The following PPM1D variants were observed in gnomAD, a reference collection of about 807,000 sequenced individuals.
PPM1D encodes protein phosphatase 1D.
PPM1D carries 52 observed loss-of-function variants against 58.3 expected under a neutral mutation model. The observed-to-expected ratio is 0.89, with a 90% CI of 0.71 to 1.12. The LOEUF (loss-of-function observed/expected upper bound fraction) is 1.12, where lower values mean the gene tolerates loss of function less well. Ranked by LOEUF, PPM1D falls within the 50% of genes most tolerant of loss-of-function variation. The pLI is 0.00. For synonymous variants in PPM1D, 278 were observed against 285.1 expected (o/e 0.98, Z 0.25); for missense variants, 564 against 777.2 (o/e 0.73, Z 3.26).
chr17:60,620,134 G>A (rs567978915), intron 1 of PPM1D, among the ~76,000 whole-genome samples: 92 of 152,062 alleles, frequency 6.1e-4, no homozygotes, highest in Non-Finnish European at 9.4e-4. Context: ...CAGTGGCTAG[G>A]ATTACAGGCG....
In PPM1D at chr17:60,639,141, GT is replaced by G. The variant is rs539237706; in HGVS notation, c.826+5171del. On this transcript the variant is annotated intron_variant, in intron 3 of 5. Transcript: ENST00000305921. ...AAAAATTATTTTTTTTTGAGACTGAGTTTTTTTCTTGTCATCCAGGCTGGAG... is the reference window on the plus strand; with the variant it reads ...AAAAATTATTTTTTTTTGAGACTGAGTTTTTTCTTGTCATCCAGGCTGGAG... 6.6e-5 allele frequency among the ~76,000 whole-genome samples: 10 copies of G among 152,132 alleles called. No homozygotes were observed. The South Asian group carries it at 2.1e-3, about 32-fold the overall frequency.
Position 60,663,658 on chromosome 17 carries a change from A to G in PPM1D, c.*106A>G, listed in dbSNP as rs2031572736. 1.6e-6 allele frequency: 2 copies of G among 1,222,022 alleles called. No individual in the cohort carries two copies. Among genetic ancestry groups the G allele is most frequent in the Non-Finnish European group, 2.2e-6 (2 of 897,284 alleles). The allele number at this position is 1,222,022 out of a possible 1,614,324, so 75.7% of individuals were successfully genotyped here. ...TTAAGGGGAGAAAATTAAAAGAAAT[A>G]TACAGTTTGACTTTTTGGAATTCAG... On this transcript the variant is annotated 3_prime_UTR_variant, in exon 6 of 6. Transcript: ENST00000305921.
At chr17:60,645,490 GTGTA>G (rs1289243038) in intron 3 of PPM1D, among the ~76,000 whole-genome samples, 4 of 141,984 alleles carry the variant, frequency 2.8e-5, no homozygotes, top group Admixed American at 2.1e-4. Flanking sequence ...GTGTGTGTGT[GTGTA>G]TGTGTATATA....
rs1353843187 is a variant in PPM1D, at chr17:60,664,517, A to T, written c.*965A>T. 6.6e-6 allele frequency: 1 copy of T among 152,568 alleles called. No individual in the cohort carries two copies. Among genetic ancestry groups the T allele is most frequent in the Non-Finnish European group, 1.5e-5 (1 of 68,026 alleles). 9.5% of individuals were successfully genotyped at this position (152,568 alleles called of 1,614,324 possible). ...GTAGTTGTTGGTTTATTTTAATGGTATGTACAAGTTGAGTATCCCTTATCC... is the reference window on the plus strand; with the variant it reads ...GTAGTTGTTGGTTTATTTTAATGGTTTGTACAAGTTGAGTATCCCTTATCC... On this transcript the variant is annotated 3_prime_UTR_variant, in exon 6 of 6. Coordinates refer to ENST00000305921, the MANE Select transcript of PPM1D (RefSeq NM_003620.4).
At chr17:60,617,058 C>T (rs2030598708) in intron 1 of PPM1D, among the ~76,000 whole-genome samples, 1 of 152,134 alleles carries the variant, frequency 6.6e-6, no homozygotes, top group African/African-American at 2.4e-5. Flanking sequence ...AGTGATCCTC[C>T]TGCCTCCTCC....
intron 1 of PPM1D, among the ~76,000 whole-genome samples, chr17:60,606,300 G>A (rs950721057): frequency 6.6e-6 from 1 of 152,156 alleles, no homozygotes; most frequent in Non-Finnish European, 1.5e-5. Context: ...TTCTGTTGAT[G>A]GACATTTGGG....
chr17:60,656,555 C>A (rs768921515), intron 4 of PPM1D, 44 bp from the exon 5 acceptor site: 1 of 1,596,842 alleles, frequency 6.3e-7, no homozygotes, highest in South Asian at 1.1e-5. Context: ...GTAGTGGCAG[C>A]TAAATCTGAG....
At chr17:60,602,749 G>A (rs1384532112) in intron 1 of PPM1D, among the ~76,000 whole-genome samples, 3 of 137,226 alleles carry the variant, frequency 2.2e-5, no homozygotes, top group Non-Finnish European at 4.6e-5. Flanking sequence ...TTGTACCACA[G>A]CTAGACCTCA....
At chr17:60,621,021 C>A (rs1426270111) in intron 1 of PPM1D, among the ~76,000 whole-genome samples, 1 of 152,004 alleles carries the variant, frequency 6.6e-6, no homozygotes, top group East Asian at 1.9e-4. Context: ...CTCCAAGGTT[C>A]AAGCGATTTG....
In PPM1D at chr17:60,663,113, A is replaced by C. The variant is rs1567979467; in HGVS notation, c.1379A>C (p.Asn460Thr). ...LEVSAEIARE[N>T]VQGVVIPSKD... Reference sequence around the variant, plus strand: ...GTTTCAGCTGAGATAGCTCGAGAGAATGTCCAAGGTGTAGTCATACCCTCA... The same window carrying C: ...GTTTCAGCTGAGATAGCTCGAGAGACTGTCCAAGGTGTAGTCATACCCTCA... The change falls in exon 6 of 6, where the codon AAT (asparagine) becomes ACT (threonine). Residue 460 changes from asparagine (N) to threonine (T), a missense_variant. Asn to Thr is a moderately conservative substitution (Grantham distance 65). Transcript: ENST00000305921. 2 of 1,614,182 alleles carry C rather than the reference A, an allele frequency of 1.2e-6. No homozygotes were observed. The highest frequency in any genetic ancestry group is 1.7e-6 in the Non-Finnish European group (2 of 1,180,006).
At chr17:60,613,344 ACTT>A (rs1294398436) in intron 1 of PPM1D, among the ~76,000 whole-genome samples, 1 of 152,196 alleles carries the variant, frequency 6.6e-6, no homozygotes, top group African/African-American at 2.4e-5. Context: ...TCTCCATACT[ACTT>A]TGGAATTGGA....
intron 1 of PPM1D, among the ~76,000 whole-genome samples, chr17:60,607,088 C>T (rs1415722292): frequency 6.6e-6 from 1 of 151,804 alleles, no homozygotes; most frequent in East Asian, 1.9e-4. Context: ...GCTTGGCCTC[C>T]CAAAATGCTG....
intron 1 of PPM1D, among the ~76,000 whole-genome samples, chr17:60,621,563 A>ATTTT (rs775950363): frequency 8.3e-5 from 8 of 96,098 alleles, no homozygotes; most frequent in African/African-American, 2.7e-4. Context: ...TATTTTTTGT[A>ATTTT]TTTTTTTTTT....
Position 60,611,419 on chromosome 17 carries a change from G to C in PPM1D, c.472+10533G>C, listed in dbSNP as rs549145485. 8.6e-5 allele frequency among the ~76,000 whole-genome samples: 13 copies of C among 151,434 alleles called. No individual in the cohort carries two copies. In the South Asian group the frequency reaches 2.7e-3, roughly 32 times the overall value. On this transcript the variant is annotated intron_variant, in intron 1 of 5. Coordinates refer to ENST00000305921, the MANE Select transcript of PPM1D (RefSeq NM_003620.4). The stretch of plus-strand genomic sequence containing the variant: ...TAGAAATTCTTTATGTATTTTGTGG[G>C]GTTTTTTTGTTTTGTTGGGTTTTTT...
At chr17:60,618,595 T>TAA (rs1051433675) in intron 1 of PPM1D, among the ~76,000 whole-genome samples, 1 of 152,242 alleles carries the variant, frequency 6.6e-6, no homozygotes, top group Non-Finnish European at 1.5e-5. Context: ...TCCTATTTTG[T>TAA]AAAAGGCTTG....
chr17:60,662,984 T>G lies in PPM1D; in HGVS notation c.1261-11T>G. ...ATTTTTTCTTATTTGTTTTACCTTC[T>G]TATTTTTCAGTCACTGGAGGAGGAT... is the stretch of plus-strand genomic sequence containing the variant. On this transcript the variant is annotated splice_polypyrimidine_tract_variant and intron_variant, in intron 5 of 5. Coordinates refer to ENST00000305921, the MANE Select transcript of PPM1D (RefSeq NM_003620.4). 6.3e-7 allele frequency: 1 copy of G among 1,581,696 alleles called. No homozygotes were observed. Among genetic ancestry groups the G allele is most frequent in the Non-Finnish European group, 8.6e-7 (1 of 1,165,220 alleles).
At chr17:60,645,629 T>C (rs1372808258) in intron 3 of PPM1D, among the ~76,000 whole-genome samples, 1 of 136,922 alleles carries the variant, frequency 7.3e-6, no homozygotes, top group Non-Finnish European at 1.5e-5. Flanking sequence ...TATATGTATA[T>C]GTATATGTGT....
At chr17:60,638,592 C>T (rs577969794) in intron 3 of PPM1D, among the ~76,000 whole-genome samples, 1 of 152,234 alleles carries the variant, frequency 6.6e-6, no homozygotes, top group South Asian at 2.1e-4. Flanking sequence ...TGGTCTCGAA[C>T]TCCTGACCTC....
At chr17:60,603,953 G>C (rs1308435537) in intron 1 of PPM1D, among the ~76,000 whole-genome samples, 1 of 152,166 alleles carries the variant, frequency 6.6e-6, no homozygotes, top group Non-Finnish European at 1.5e-5. Flanking sequence ...TTCCCCCCCA[G>C]AGAAAGGTGG....
Sources: gnomAD v4.1 joint callset for allele counts (sites outside exome capture counted in the v4.1 genomes callset) on GRCh38, gnomAD v4.1.1 for gene constraint, MANE v1.5 for transcripts, NCBI Gene and HGNC (gene_info 2026-07-23, HGNC 2026-07-21) for gene names.